ADRA1B: variants seen among roughly 807,000 people sequenced by gnomAD.
ADRA1B encodes the protein adrenoceptor alpha 1B.
Under a neutral mutation model 17.9 loss-of-function variants are expected in ADRA1B, and 17 were observed. The ratio of observed to expected loss-of-function variants is 0.95; its 90% CI spans 0.65 to 1.42. ADRA1B has a LOEUF of 1.42. Ranked by LOEUF, ADRA1B falls within the 40% of genes most tolerant of loss-of-function variation. The probability of loss-of-function intolerance (pLI) is 0.00; values close to 1 mark genes in which losing one functional copy is unlikely to be tolerated. For missense variants in ADRA1B, 681 were observed against 722.1 expected (o/e 0.94, Z 0.65); for synonymous variants, 366 against 327.6 (o/e 1.12, Z -1.27).
chr5:159,905,749 G>A (rs912256023), intron 1 of ADRA1B, among the ~76,000 whole-genome samples: 14 of 152,222 alleles, frequency 9.2e-5, no homozygotes, highest in Non-Finnish European at 2.1e-4. Flanking sequence ...ACCTTGCCTA[G>A]ACTGAGTGGG....
At chr5:159,883,432 G>A (rs1288509222) in intron 1 of ADRA1B, among the ~76,000 whole-genome samples, 1 of 152,204 alleles carries the variant, frequency 6.6e-6, no homozygotes, top group African/African-American at 2.4e-5. Flanking sequence ...GACTATCCAA[G>A]AATTAGACTC....
chr5:159,923,507 G>C (rs1754550496), intron 1 of ADRA1B, among the ~76,000 whole-genome samples: 1 of 152,252 alleles, frequency 6.6e-6, no homozygotes, highest in Non-Finnish European at 1.5e-5. Context: ...ATAACCCTGG[G>C]GTTTCTAAGT....
At chr5:159,977,554 C>T (rs948093124), downstream of ADRA1B, among the ~76,000 whole-genome samples, 3 of 152,206 alleles carry the variant, frequency 2.0e-5, no homozygotes, top group African/African-American at 7.2e-5. Context: ...AATTAGCATC[C>T]TTCCACGGTT....
intron 1 of ADRA1B, chr5:159,948,150 T>C (rs1371626165): frequency 1.0e-6 from 1 of 985,308 alleles, no homozygotes; most frequent in Non-Finnish European, 1.2e-6. Flanking sequence ...GAGTTAATCA[T>C]AACAGGACTT....
chr5:159,974,622 G>A (rs1755943785), downstream of ADRA1B, among the ~76,000 whole-genome samples: 2 of 146,212 alleles, frequency 1.4e-5, no homozygotes, highest in Non-Finnish European at 3.0e-5. Context: ...GGTGACAAGA[G>A]CAAGACTCCA....
chr5:159,974,980 C>T (rs1365695703), downstream of ADRA1B, among the ~76,000 whole-genome samples: 1 of 152,180 alleles, frequency 6.6e-6, no homozygotes, highest in Non-Finnish European at 1.5e-5. Context: ...GTACCTTTTA[C>T]ATTCCCCTCT....
chr5:159,867,308 G>A (rs769084304), intron 1 of ADRA1B, among the ~76,000 whole-genome samples: 32 of 152,146 alleles, frequency 2.1e-4, no homozygotes, highest in African/African-American at 6.7e-4. Flanking sequence ...ATTCTACCCC[G>A]TGTCCCAAGG....
At chr5:159,867,586 G>T (rs1753675124) in intron 1 of ADRA1B, among the ~76,000 whole-genome samples, 1 of 152,078 alleles carries the variant, frequency 6.6e-6, no homozygotes, top group Admixed American at 6.6e-5. Flanking sequence ...TTTACAGCAA[G>T]TGGGCTTGTC....
intron 1 of ADRA1B, chr5:159,951,575 G>A (rs6884129): frequency 2.0e-6 from 1 of 497,870 alleles, no homozygotes; most frequent in Non-Finnish European, 3.7e-6. Context: ...AGAGCCCCTA[G>A]TGGAGAATTT....
intron 1 of ADRA1B, among the ~76,000 whole-genome samples, chr5:159,922,393 C>A (rs953112905): frequency 2.2e-4 from 34 of 152,202 alleles, no homozygotes; most frequent in Non-Finnish European, 4.3e-4. Context: ...CAGACCCATA[C>A]CTGTTCCAGC....
intron 1 of ADRA1B, among the ~76,000 whole-genome samples, chr5:159,880,086 T>C (rs897876641): frequency 9.9e-5 from 15 of 152,226 alleles, no homozygotes; most frequent in African/African-American, 3.6e-4. Context: ...AGTGTGGCGA[T>C]TGTTAGCTAA....
intron 1 of ADRA1B, among the ~76,000 whole-genome samples, chr5:159,894,943 A>G (rs1230458177): frequency 6.6e-6 from 1 of 152,214 alleles, no homozygotes; most frequent in Non-Finnish European, 1.5e-5. Context: ...CCATGTTCAC[A>G]TACCTCCGCT....
chr5:159,880,130 G>C (rs1263823250), intron 1 of ADRA1B, among the ~76,000 whole-genome samples: 1 of 152,198 alleles, frequency 6.6e-6, no homozygotes, highest in East Asian at 1.9e-4. Context: ...CATTTATGAA[G>C]GCCCTTTTTG....
intron 1 of ADRA1B, among the ~76,000 whole-genome samples, chr5:159,880,152 A>T (rs1236777913): frequency 6.6e-6 from 1 of 152,244 alleles, no homozygotes; most frequent in Admixed American, 6.5e-5. Context: ...GCACTACCCT[A>T]TGCTAAGTAA....
At chr5:159,901,639 G>A (rs1754102335) in intron 1 of ADRA1B, among the ~76,000 whole-genome samples, 2 of 152,178 alleles carry the variant, frequency 1.3e-5, no homozygotes, top group Admixed American at 1.3e-4. Context: ...TTCTCAGCAT[G>A]TAGAAGTAGA....
chr5:159,905,423 G>T (rs1754151638), intron 1 of ADRA1B, among the ~76,000 whole-genome samples: 1 of 152,228 alleles, frequency 6.6e-6, no homozygotes, highest in Non-Finnish European at 1.5e-5. Flanking sequence ...AAAAGAGAAT[G>T]CCATTGAAAG....
At chr5:159,885,640 G>A (rs1753915709) in intron 1 of ADRA1B, among the ~76,000 whole-genome samples, 1 of 152,128 alleles carries the variant, frequency 6.6e-6, no homozygotes, top group African/African-American at 2.4e-5. Context: ...AGAAATATGG[G>A]GAATCCCAGG....
chr5:159,954,191 G>C (rs1006836729), intron 1 of ADRA1B, among the ~76,000 whole-genome samples: 1 of 152,218 alleles, frequency 6.6e-6, no homozygotes, highest in Non-Finnish European at 1.5e-5. Context: ...TCCGGCTGCT[G>C]TAACAAGGTA....
At chr5:159,934,726 C>T (rs1754906128) in intron 1 of ADRA1B, among the ~76,000 whole-genome samples, 3 of 151,554 alleles carry the variant, frequency 2.0e-5, no homozygotes, top group African/African-American at 7.3e-5. Context: ...AATCCATCGC[C>T]TGAACCCAGG....
Sources: allele counts gnomAD v4.1 joint callset (sites outside exome capture counted in the v4.1 genomes callset), GRCh38; gene constraint gnomAD v4.1.1; transcripts MANE v1.5; gene names NCBI Gene and HGNC (gene_info 2026-07-23, HGNC 2026-07-21).